FGF10: variants seen among roughly 807,000 people sequenced by gnomAD.
FGF10 encodes FGF-10.
FGF10 carries 2 observed loss-of-function variants against 19.8 expected under a neutral mutation model. The ratio of observed to expected loss-of-function variants is 0.10; its 90% CI spans 0.04 to 0.32. The LOEUF (loss-of-function observed/expected upper bound fraction) is 0.32, where lower values mean the gene tolerates loss of function less well. Among genes scored for constraint, FGF10 ranks in the 10% least tolerant of loss-of-function variants. The probability of loss-of-function intolerance (pLI) is 1.00; values close to 1 mark genes in which losing one functional copy is unlikely to be tolerated. For synonymous variants in FGF10, 112 were observed against 94.0 expected, an observed-to-expected ratio of 1.19 and a Z score of -1.10; for missense variants, 191 against 246.3, an observed-to-expected ratio of 0.78 and a Z score of 1.50.
chr5:44,349,156 C>T (rs1741158776), intron 1 of FGF10, among the ~76,000 whole-genome samples: 2 of 150,350 alleles, frequency 1.3e-5, no homozygotes, highest in Non-Finnish European at 1.5e-5. Context: ...ATTCTCTGCC[C>T]CTCTCCCACT....
Position 44,304,977 on chromosome 5 carries a change from C to T in FGF10, c.*18G>A. 6.2e-7 allele frequency: 1 copy of T among 1,612,800 alleles called. No individual in the cohort carries two copies. The highest frequency in any genetic ancestry group is 8.5e-7 in the Non-Finnish European group (1 of 1,178,878). On this transcript the variant is annotated 3_prime_UTR_variant, in exon 3 of 3. Transcript: ENST00000264664. ...AAAGAGCCATTGGTTCTACTGCATC[C>T]ACAAACGTTGCCTTCCTCTATGAGT...
chr5:44,307,424 C>A (rs1347724360), intron 2 of FGF10, among the ~76,000 whole-genome samples: 1 of 152,100 alleles, frequency 6.6e-6, no homozygotes, highest in African/African-American at 2.4e-5. Flanking sequence ...CTATGAAGAC[C>A]TATTCTATTT....
intron 1 of FGF10, among the ~76,000 whole-genome samples, chr5:44,379,506 G>A (rs752580402): frequency 1.3e-5 from 2 of 152,126 alleles, no homozygotes; most frequent in Admixed American, 1.3e-4. Flanking sequence ...TTCAAAGCCT[G>A]CTTTCACTCC....
intron 1 of FGF10, among the ~76,000 whole-genome samples, chr5:44,343,987 G>A (rs1741027468): frequency 6.6e-6 from 1 of 151,880 alleles, no homozygotes; most frequent in Non-Finnish European, 1.5e-5. Flanking sequence ...TGCTAATGAT[G>A]GTTTAACAAC....
intron 1 of FGF10, among the ~76,000 whole-genome samples, chr5:44,372,431 A>G (rs529992656): frequency 1.3e-5 from 2 of 152,210 alleles, no homozygotes; most frequent in South Asian, 2.1e-4. Context: ...TCATCTCAAA[A>G]TCCTTAATTT....
chr5:44,356,073 T>C (rs1363895094), intron 1 of FGF10, among the ~76,000 whole-genome samples: 1 of 151,468 alleles, frequency 6.6e-6, no homozygotes, highest in African/African-American at 2.4e-5. Context: ...TCATAGTCCA[T>C]AGGTCAGCCA....
At position 44,334,435 on chromosome 5, in the gene FGF10, G is replaced by A. The variant is rs538415683; in HGVS notation, c.326-23905C>T. 8.5e-5 allele frequency among the ~76,000 whole-genome samples: 13 copies of A among 152,144 alleles called. No homozygotes were observed. In the South Asian group the frequency reaches 2.5e-3, roughly 29 times the overall value. On this transcript the variant is annotated intron_variant, in intron 1 of 2. Coordinates refer to ENST00000264664, the MANE Select transcript of FGF10 (RefSeq NM_004465.2). ...TCCCAGGTCACTTAAAAAAAGAAAT[G>A]TAAGCCACCTTCTTATCCCAACTAC...
chr5:44,361,119 T>C (rs147841336), intron 1 of FGF10, among the ~76,000 whole-genome samples: 71 of 151,704 alleles, frequency 4.7e-4, no homozygotes, highest in Non-Finnish European at 8.0e-4. Context: ...ATGATAAGAG[T>C]TGCCTTGCAG....
At chr5:44,325,013 T>A (rs1740577834) in intron 1 of FGF10, among the ~76,000 whole-genome samples, 1 of 152,210 alleles carries the variant, frequency 6.6e-6, no homozygotes, top group Admixed American at 6.6e-5. Flanking sequence ...TATTTGTTTT[T>A]ATATAAGGAT....
At chr5:44,312,574 G>A (rs1416096963) in intron 1 of FGF10, among the ~76,000 whole-genome samples, 1 of 152,020 alleles carries the variant, frequency 6.6e-6, no homozygotes, top group Non-Finnish European at 1.5e-5. Flanking sequence ...ATGATGGCAT[G>A]CCATAGAGGA....
At chr5:44,327,543 G>T (rs1316957348) in intron 1 of FGF10, among the ~76,000 whole-genome samples, 2 of 152,136 alleles carry the variant, frequency 1.3e-5, no homozygotes, top group African/African-American at 2.4e-5. Flanking sequence ...CTTGGTCAAG[G>T]ATGTTAAGGT....
At chr5:44,378,418 A>C (rs984080320) in intron 1 of FGF10, among the ~76,000 whole-genome samples, 2 of 152,172 alleles carry the variant, frequency 1.3e-5, no homozygotes, top group Non-Finnish European at 2.9e-5. Flanking sequence ...GAATATTACA[A>C]TTCCAAATCA....
rs1247731587 is a variant in FGF10 at position 44,303,652 on chromosome 5, T to G, written c.*1343A>C. 6.6e-6 allele frequency: 1 copy of G among 152,232 alleles called. No individual in the cohort carries two copies. Among genetic ancestry groups the G allele is most frequent in the South Asian group, 2.1e-4 (1 of 4,838 alleles). 9.4% of individuals were successfully genotyped at this position (152,232 alleles called of 1,614,324 possible). A position where few individuals can be genotyped will look rare whatever the true frequency, so the allele number is the denominator to read the frequency against. On this transcript the variant is annotated 3_prime_UTR_variant, in exon 3 of 3. Transcript: ENST00000264664. ...AATGAATTTTGATATGGTTACATTA[T>G]GGAACTTTGTAAAGCTCTTTAAATT...
chr5:44,312,419 C>T (rs1385466981), intron 1 of FGF10, among the ~76,000 whole-genome samples: 1 of 152,038 alleles, frequency 6.6e-6, no homozygotes, highest in East Asian at 1.9e-4. Flanking sequence ...GACTCTATTG[C>T]TCCCCATCTC....
chr5:44,335,661 A>T (rs925056187), intron 1 of FGF10, among the ~76,000 whole-genome samples: 3 of 152,112 alleles, frequency 2.0e-5, no homozygotes, highest in Non-Finnish European at 4.4e-5. Context: ...CATCCTTTGT[A>T]CCAATTCATA....
At chr5:44,376,999 T>C (rs974924257) in intron 1 of FGF10, among the ~76,000 whole-genome samples, 2 of 152,340 alleles carry the variant, frequency 1.3e-5, no homozygotes. Flanking sequence ...TCTCACATGA[T>C]ACCACCTTCT....
chr5:44,318,851 T>A (rs1459378223), intron 1 of FGF10, among the ~76,000 whole-genome samples: 1 of 152,174 alleles, frequency 6.6e-6, no homozygotes, highest in Non-Finnish European at 1.5e-5. Flanking sequence ...CTCTGATCAA[T>A]CTAATTTGAG....
chr5:44,360,484 T>C (rs1741455844), intron 1 of FGF10, among the ~76,000 whole-genome samples: 1 of 151,548 alleles, frequency 6.6e-6, no homozygotes, highest in South Asian at 2.1e-4. Flanking sequence ...ATTTGTAATT[T>C]AAGTCAAGGC....
intron 1 of FGF10, among the ~76,000 whole-genome samples, chr5:44,314,640 T>C (rs996244139): frequency 1.3e-5 from 2 of 152,092 alleles, no homozygotes; most frequent in African/African-American, 4.8e-5. Context: ...TACTCATATA[T>C]ATAATTGTTT....
Sources: allele counts gnomAD v4.1 joint callset (sites outside exome capture counted in the v4.1 genomes callset), GRCh38; gene constraint gnomAD v4.1.1; transcripts MANE v1.5; gene names NCBI Gene and HGNC (gene_info 2026-07-23, HGNC 2026-07-21).